Variants in SLC7A5 observed in about 807,000 individuals in gnomAD.
The protein encoded by SLC7A5 is solute carrier family 7 member 5, also known as large neutral amino acids transporter small subunit 1.
In SLC7A5, 23 loss-of-function variants were observed where a neutral mutation model predicts 50.2. The ratio of observed to expected loss-of-function variants is 0.46; its 90% CI spans 0.33 to 0.65. SLC7A5 has a LOEUF of 0.65. Among genes scored for constraint, SLC7A5 ranks in the 30% least tolerant of loss-of-function variants. SLC7A5 has a pLI of 0.02. For synonymous variants in SLC7A5, 393 were observed against 330.6 expected (o/e 1.19, Z -2.05); for missense variants, 578 against 684.4 (o/e 0.84, Z 1.73).
chr16:87,834,634 G>A, intron 8 of SLC7A5, 43 bp from the exon 9 acceptor site: 1 of 1,554,078 alleles, frequency 6.4e-7, no homozygotes. Context: ...CTCCTGTCCA[G>A]CCTCCCTCCC....
At chr16:87,858,326 G>T (rs1023507988) in intron 1 of SLC7A5, among the ~76,000 whole-genome samples, 1 of 152,176 alleles carries the variant, frequency 6.6e-6, no homozygotes, top group Admixed American at 6.5e-5. Context: ...ACCGCAGCAT[G>T]AGTATCTTCA....
Position 87,836,604 on chromosome 16 carries a change from G to T in SLC7A5, c.1184C>A (p.Ser395Tyr). The T allele has an allele frequency of 6.2e-7, 1 of 1,613,654 alleles. No individual in the cohort carries two copies. The highest frequency in any genetic ancestry group is 8.5e-7 in the Non-Finnish European group (1 of 1,180,044). ...GAAGAAGCTGAAGAAGTTGATGACG[G>T]AGAAGATGTCCTTGGAGAAGGCGTA... ...LLYAFSKDIF[S>Y]VINFFSFFNW... Residue 395 changes from serine to tyrosine, a missense_variant, in exon 8 of 10, where the codon TCC becomes TAC. Physicochemically the swap from Ser to Tyr is moderately radical, Grantham distance 144. This residue lies in a region of SLC7A5 where 465 missense variants were observed against 594.6 expected (regional missense o/e 0.78). Coordinates refer to ENST00000261622, the MANE Select transcript of SLC7A5 (RefSeq NM_003486.7).
intron 2 of SLC7A5, among the ~76,000 whole-genome samples, chr16:87,843,043 C>A (rs1208865789): frequency 6.6e-6 from 1 of 152,096 alleles, no homozygotes; most frequent in East Asian, 1.9e-4. Context: ...GAATCAAGGT[C>A]CTGCCTCCCC....
chr16:87,859,736 C>T (rs191608469), intron 1 of SLC7A5, among the ~76,000 whole-genome samples: 7 of 151,796 alleles, frequency 4.6e-5, no homozygotes, highest in South Asian at 2.1e-4. Context: ...GTCAGGAGTT[C>T]GAGACCAGCC....
chr16:87,835,535 G>A (rs1458248732), intron 8 of SLC7A5, among the ~76,000 whole-genome samples: 1 of 152,236 alleles, frequency 6.6e-6, no homozygotes, highest in East Asian at 1.9e-4. Flanking sequence ...TGTCGTCCAG[G>A]CTGGAGTACA....
In SLC7A5 at chr16:87,841,032, A is replaced by T; in HGVS notation, c.770+18T>A. 1.3e-6 allele frequency: 2 copies of T among 1,565,970 alleles called. No homozygotes were observed. Among genetic ancestry groups the T allele is most frequent in the Non-Finnish European group, 1.8e-6 (2 of 1,136,526 alleles). ...TGTATGTCCCCAGACCAAGGGACCC[A>T]GACATTCCAGAACCTACCATCCTCC... On this transcript the variant is annotated intron_variant, in intron 3 of 9. Coordinates refer to ENST00000261622, the MANE Select transcript of SLC7A5 (RefSeq NM_003486.7). This position sits in a 1 kb window ranked among gnomAD's most constrained non-coding sequence, Gnocchi z 4.8.
At position 87,831,846 on chromosome 16, in the gene SLC7A5, G is replaced by A. The variant is rs2054938812; in HGVS notation, c.*1124C>T. On this transcript the variant is annotated 3_prime_UTR_variant, in exon 10 of 10. Transcript: ENST00000261622. ...CGGGTGGGGACTGGGTGAGAGCCCA[G>A]GGGCCTCCAAACGCAGGCGGCAGAG... 1 of 152,394 alleles carries A rather than the reference G, an allele frequency of 6.6e-6. No individual in the cohort carries two copies. Among genetic ancestry groups the A allele is most frequent in the Non-Finnish European group, 1.5e-5 (1 of 68,168 alleles). The allele number at this position is 152,394 out of a possible 1,614,324, so 9.4% of individuals were successfully genotyped here.
chr16:87,845,571 G>A (rs943508858), intron 2 of SLC7A5, among the ~76,000 whole-genome samples: 4 of 124,522 alleles, frequency 3.2e-5, no homozygotes, highest in Admixed American at 8.2e-5. Flanking sequence ...AGGCCACGGC[G>A]CCGCTTTTCA....
At position 87,833,194 on chromosome 16, in the gene SLC7A5, C is replaced by T. The variant is rs565080655; in HGVS notation, c.1469-169G>A. Among the ~76,000 whole-genome samples, 4 of 152,336 alleles carry T rather than the reference C, an allele frequency of 2.6e-5. No individual in the cohort carries two copies. Among genetic ancestry groups the T allele is most frequent in the African/African-American group, 9.6e-5 (4 of 41,566 alleles). On this transcript the variant is annotated intron_variant, in intron 9 of 9. Coordinates refer to ENST00000261622, the MANE Select transcript of SLC7A5 (RefSeq NM_003486.7). The surrounding 1 kb of genome is among the most constrained non-coding windows in gnomAD (Gnocchi z 6.0). The stretch of plus-strand genomic sequence containing the variant: ...CTTGTGTACTTGCGCATGTGGGTGC[C>T]GGGTGCCCGAGGCGCTGTCTTCAAC...
chr16:87,846,200 G>A (rs140012756), intron 2 of SLC7A5, among the ~76,000 whole-genome samples: 3 of 152,330 alleles, frequency 2.0e-5, no homozygotes, highest in East Asian at 3.9e-4. Flanking sequence ...GCTCCTGAGC[G>A]CAATGTCCTG....
rs184153181 is a variant in SLC7A5 at position 87,832,835 on chromosome 16, G to A, written c.*135C>T. The stretch of plus-strand genomic sequence containing the variant: ...GTTTTCACAGCAGCCTCCACTGCCC[G>A]ACCTGGGAGGGACGGCGAGGGACTG... On this transcript the variant is annotated 3_prime_UTR_variant, in exon 10 of 10. Coordinates refer to ENST00000261622, the MANE Select transcript of SLC7A5 (RefSeq NM_003486.7). The surrounding 1 kb of genome is among the most constrained non-coding windows in gnomAD (Gnocchi z 4.6). 3.5e-4 allele frequency: 266 copies of A among 763,898 alleles called. 1 individual carries two copies. Among genetic ancestry groups the A allele is most frequent in the African/African-American group, 3.4e-3 (203 of 58,994 alleles). 47.3% of individuals were successfully genotyped at this position (763,898 alleles called of 1,614,324 possible).
intron 2 of SLC7A5, among the ~76,000 whole-genome samples, chr16:87,845,665 GA>G (rs2143759471): frequency 6.6e-6 from 1 of 152,344 alleles, no homozygotes; most frequent in South Asian, 2.1e-4. Context: ...GCGGCAACCA[GA>G]TGGCACTTTT....
At chr16:87,835,137 G>A (rs1458142899) in intron 8 of SLC7A5, among the ~76,000 whole-genome samples, 1 of 152,262 alleles carries the variant, frequency 6.6e-6, no homozygotes. Context: ...GGCATGGCTG[G>A]GGGATTGACT....
chr16:87,857,639 G>C (rs976396961), intron 1 of SLC7A5, among the ~76,000 whole-genome samples: 8 of 152,190 alleles, frequency 5.3e-5, no homozygotes, highest in African/African-American at 1.7e-4. Flanking sequence ...AGAGCACAAG[G>C]CCCCACCTTT....
chr16:87,859,835 C>T (rs573433714), intron 1 of SLC7A5, among the ~76,000 whole-genome samples: 1 of 151,868 alleles, frequency 6.6e-6, no homozygotes, highest in Admixed American at 6.6e-5. Flanking sequence ...CAGCTACTTG[C>T]GAGGCTGAGG....
chr16:87,837,628 CTGA>C (rs1364582393), intron 7 of SLC7A5: 1 of 556,678 alleles, frequency 1.8e-6, no homozygotes, highest in African/African-American at 1.9e-5. Context: ...TTCCGATGGT[CTGA>C]ATCGTTTGTG....
rs370954016 is a variant in SLC7A5 at position 87,853,752 on chromosome 16, C to G, written c.539-1903G>C. The G allele has an allele frequency of 2.6e-5, 4 of 152,310 alleles. No homozygotes were observed. The highest frequency in any genetic ancestry group is 2.0e-4 in the Admixed American group (3 of 15,302). 9.4% of individuals were successfully genotyped at this position (152,310 alleles called of 1,614,324 possible). A position where few individuals can be genotyped will look rare whatever the true frequency, so the allele number is the denominator to read the frequency against. On this transcript the variant is annotated intron_variant, in intron 1 of 9. Coordinates refer to ENST00000261622, the MANE Select transcript of SLC7A5 (RefSeq NM_003486.7). This position sits in a 1 kb window ranked among gnomAD's most constrained non-coding sequence, Gnocchi z 4.4. ...CAAGAGGCCGGCTGATTGCATCACT[C>G]GCTCATTCATGCCCGGAGGGAGGCG... is the stretch of plus-strand genomic sequence containing the variant.
rs895772285 is a variant in SLC7A5, at chr16:87,869,466, C to A, written c.-44G>T. The stretch of plus-strand genomic sequence containing the variant: ...GCCTGGGACACCCGGGAGCCGCGGC[C>A]CAGCGAGCAGTGTGCGCGCCGCCCG... On this transcript the variant is annotated 5_prime_UTR_variant, in exon 1 of 10. Coordinates refer to ENST00000261622, the MANE Select transcript of SLC7A5 (RefSeq NM_003486.7). The A allele has an allele frequency of 2.2e-5, 29 of 1,293,388 alleles. No homozygotes were observed. The highest frequency in any genetic ancestry group is 2.4e-5 in the Non-Finnish European group (25 of 1,026,594). The allele number at this position is 1,293,388 out of a possible 1,614,324, so 80.1% of individuals were successfully genotyped here.
At position 87,860,636 on chromosome 16, in the gene SLC7A5, A is replaced by G. The variant is rs2055386058; in HGVS notation, c.538+8249T>C. ...TGGTCCTCACATTTGACTCCGGATA[A>G]ATCTCTTCAAACATTTTACAGAGTC... On this transcript the variant is annotated intron_variant, in intron 1 of 9. Coordinates refer to ENST00000261622, the MANE Select transcript of SLC7A5 (RefSeq NM_003486.7). The surrounding 1 kb of genome is among the most constrained non-coding windows in gnomAD (Gnocchi z 4.8). Among the ~76,000 whole-genome samples the G allele has an allele frequency of 6.6e-6, 1 of 152,134 alleles. No homozygotes were observed. Among genetic ancestry groups the G allele is most frequent in the African/African-American group, 2.4e-5 (1 of 41,416 alleles).
Sources: gnomAD v4.1 joint callset for allele counts (sites outside exome capture counted in the v4.1 genomes callset) on GRCh38, gnomAD v4.1.1 for gene constraint, gnomAD v4.1.1 regional missense constraint, Gnocchi (gnomAD v3.1) non-coding constraint, MANE v1.5 for transcripts, NCBI Gene and HGNC (gene_info 2026-07-23, HGNC 2026-07-21) for gene names.